Variants in ALAS2 observed in about 807,000 individuals in gnomAD.
ALAS2 encodes the protein 5'-aminolevulinate synthase 2.
In ALAS2, 3 loss-of-function variants were observed where a neutral mutation model predicts 33.7. That is an observed-to-expected ratio of 0.09 (90% CI 0.04 to 0.23). The LOEUF (loss-of-function observed/expected upper bound fraction) is 0.23. Among genes scored for constraint, ALAS2 ranks in the 10% least tolerant of loss-of-function variants. The probability of loss-of-function intolerance (pLI) is 1.00; values close to 1 mark genes in which losing one functional copy is unlikely to be tolerated. For missense variants in ALAS2, 304 were observed against 475.1 expected (o/e 0.64, Z 3.35); for synonymous variants, 191 against 177.3 (o/e 1.08, Z -0.61).
chrX:55,010,162 C>A (rs1341970378), intron 10 of ALAS2, among the ~76,000 whole-genome samples: 2 of 111,528 alleles, frequency 1.8e-5, no homozygotes, highest in African/African-American at 6.5e-5. Flanking sequence ...CATCTATCAG[C>A]AAAGACCCTT....
chrX:55,015,957 CTCTGTGTGTGTGTGTGTGTGTGTG>C (rs1935692682), intron 7 of ALAS2, among the ~76,000 whole-genome samples: 1 of 86,268 alleles, frequency 1.2e-5, no homozygotes, highest in African/African-American at 4.5e-5. Flanking sequence ...CTCTCTGTCT[CTCTGTGTGTGTGTGTGTGTGTGTG>C]TGTGTGTGTG....
At chrX:55,012,291 TACTC>T (rs1356883792) in intron 10 of ALAS2, among the ~76,000 whole-genome samples, 1 of 111,952 alleles carries the variant, frequency 8.9e-6, no homozygotes, top group East Asian at 2.8e-4. Context: ...AAAACTTCCT[TACTC>T]ACAAAGCCTC....
chrX:55,023,198 G>A, intron 4 of ALAS2, among the ~76,000 whole-genome samples: 1 of 109,400 alleles, frequency 9.1e-6, no homozygotes, highest in Admixed American at 9.8e-5. Context: ...GAGGGTGTGT[G>A]TGTGTGTGTG....
In ALAS2 at chrX:55,014,691, G is replaced by A. The variant is rs755724138; in HGVS notation, c.1437+56C>T. On this transcript the variant is annotated intron_variant, in intron 9 of 10. Transcript: ENST00000650242. ...CAACAGATGTAGGTTTGTTGGGAGC[G>A]TGAGGCTCCCAGAATAAATAGGTGG... 1.3e-3 allele frequency: 1,375 copies of A among 1,080,577 alleles called. 1 individual carries two copies. The highest frequency in any genetic ancestry group is 1.5e-3 in the Non-Finnish European group (1,232 of 823,097). The allele number at this position is 1,080,577 out of a possible 1,213,427, so 89.1% of individuals were successfully genotyped here. A position where few individuals can be genotyped will look rare whatever the true frequency, so the allele number is the denominator to read the frequency against.
chrX:55,015,500 T>C (rs1449431948), intron 8 of ALAS2, 78 bp downstream of exon 8: 2 of 1,122,548 alleles, frequency 1.8e-6, no homozygotes, highest in Non-Finnish European at 2.4e-6. Context: ...CCTATAGCTT[T>C]GGGGAGGAGG....
chrX:55,015,957 CTCTGTGTGTGTG>C (rs1428719192), intron 7 of ALAS2, among the ~76,000 whole-genome samples: 54 of 86,307 alleles, frequency 6.3e-4, no homozygotes, highest in African/African-American at 2.3e-3. Context: ...CTCTCTGTCT[CTCTGTGTGTGTG>C]TGTGTGTGTG....
At chrX:55,011,069 C>T (rs1375032607) in intron 10 of ALAS2, among the ~76,000 whole-genome samples, 1 of 111,235 alleles carries the variant, frequency 9.0e-6, no homozygotes, top group Non-Finnish European at 1.9e-5. Flanking sequence ...AATGAGGGAA[C>T]GACAAGTCCT....
At chrX:55,011,743 A>C (rs189805921) in intron 10 of ALAS2, among the ~76,000 whole-genome samples, 2 of 111,690 alleles carry the variant, frequency 1.8e-5, no homozygotes, top group African/African-American at 6.5e-5. Context: ...GGACATTCAG[A>C]GAACCAAGAA....
intron 6 of ALAS2, among the ~76,000 whole-genome samples, chrX:55,019,377 G>C (rs759242245): frequency 9.0e-6 from 1 of 111,506 alleles, no homozygotes; most frequent in South Asian, 3.8e-4. Flanking sequence ...AGATGCTTAT[G>C]AGTTTGTAGG....
chrX:55,019,991 GAGA>G (rs755941539), intron 6 of ALAS2, among the ~76,000 whole-genome samples: 16 of 111,512 alleles, frequency 1.4e-4, no homozygotes, highest in African/African-American at 4.6e-4. Context: ...TTTAGAAGAG[GAGA>G]AGAAGTTTGA....
chrX:55,011,578 T>G (rs1352763254), intron 10 of ALAS2, among the ~76,000 whole-genome samples: 2 of 111,482 alleles, frequency 1.8e-5, no homozygotes, highest in African/African-American at 6.5e-5. Flanking sequence ...CATGTTGACA[T>G]GGATTAAAGA....
At chrX:55,023,982 G>A (rs1262318750) in intron 3 of ALAS2, 115 bp from the exon 4 acceptor site, 4 of 591,029 alleles carry the variant, frequency 6.8e-6, no homozygotes, top group Non-Finnish European at 1.1e-5. Context: ...TAAGGTAAGG[G>A]CAGCTTCTAC....
At chrX:55,030,147 T>A (rs1935970211) in intron 1 of ALAS2, among the ~76,000 whole-genome samples, 1 of 111,309 alleles carries the variant, frequency 9.0e-6, no homozygotes, top group Admixed American at 9.6e-5. Flanking sequence ...ACAGGAAAAT[T>A]TAGAAGATCA....
At chrX:55,016,037 T>TCCCCA (rs1440530052) in intron 7 of ALAS2, among the ~76,000 whole-genome samples, 2 of 102,194 alleles carry the variant, frequency 2.0e-5, no homozygotes, top group African/African-American at 7.1e-5. Context: ...GTGTGTGTGT[T>TCCCCA]CCCCAGCCTG....
intron 1 of ALAS2, among the ~76,000 whole-genome samples, chrX:55,027,014 G>A (rs920937258): frequency 5.4e-5 from 6 of 110,361 alleles, no homozygotes; most frequent in Admixed American, 4.8e-4. Flanking sequence ...ATCAAAGGTA[G>A]AGGGAAAGGG....
rs981343708 is a variant in ALAS2, at chrX:55,030,966, C to T, written c.-40G>A. ...CCTGTTGCCCTGCACTGAGGACGAA[C>T]GAATGACAGGTGGGTACTTGGGTTA... is the stretch of plus-strand genomic sequence containing the variant. On this transcript the variant is annotated 5_prime_UTR_variant, in exon 1 of 11. Coordinates refer to ENST00000650242, the MANE Select transcript of ALAS2 (RefSeq NM_000032.5). The T allele has an allele frequency of 1.8e-5, 6 of 340,394 alleles. No homozygotes were observed. The highest frequency in any genetic ancestry group is 7.8e-5 in the South Asian group (3 of 38,323). The allele number at this position is 340,394 out of a possible 1,213,427, so 28.1% of individuals were successfully genotyped here.
chrX:55,023,191 GGTGTGTGTGT>G (rs747543670), intron 4 of ALAS2, among the ~76,000 whole-genome samples: 5 of 98,695 alleles, frequency 5.1e-5, no homozygotes, highest in Admixed American at 2.2e-4. Flanking sequence ...GAGAGCAGAG[GGTGTGTGTGT>G]GTGTGTGTGT....
At chrX:55,026,573 T>A (rs1276274527) in intron 1 of ALAS2, among the ~76,000 whole-genome samples, 1 of 111,513 alleles carries the variant, frequency 9.0e-6, no homozygotes, top group Non-Finnish European at 1.9e-5. Context: ...GAAGGAAGGG[T>A]AGGCCCTAGG....
intron 6 of ALAS2, among the ~76,000 whole-genome samples, chrX:55,019,357 G>C (rs1024107437): frequency 2.7e-5 from 3 of 111,228 alleles, no homozygotes; most frequent in Non-Finnish European, 5.7e-5. Context: ...AGTGAGGAGA[G>C]GACATTTGAA....
Sources: gnomAD v4.1 joint callset for allele counts (sites outside exome capture counted in the v4.1 genomes callset) on GRCh38, gnomAD v4.1.1 for gene constraint, MANE v1.5 for transcripts, NCBI Gene and HGNC (gene_info 2026-07-23, HGNC 2026-07-21) for gene names.